METTL15: variants seen among roughly 807,000 people sequenced by gnomAD.
METTL15 encodes methyltransferase 15, mitochondrial 12S rRNA N4-cytidine.
In METTL15, 34 loss-of-function variants were observed where a neutral mutation model predicts 38.3. That is an observed-to-expected ratio of 0.89 (90% CI 0.68 to 1.18). METTL15 has a LOEUF of 1.18. METTL15 is among the 50% of genes most tolerant of loss of function. The pLI, the probability that METTL15 is intolerant of heterozygous loss-of-function variation, is 0.00. For missense variants in METTL15, 438 were observed against 498.4 expected, an observed-to-expected ratio of 0.88 and a Z score of 1.15; for synonymous variants, 162 against 170.9, an observed-to-expected ratio of 0.95 and a Z score of 0.41.
intron 4 of METTL15, among the ~76,000 whole-genome samples, chr11:28,225,697 A>G (rs1853449944): frequency 6.6e-6 from 1 of 151,830 alleles, no homozygotes. Context: ...ACTTTTAGTT[A>G]ATTTTCTGTA....
intron 3 of METTL15, among the ~76,000 whole-genome samples, chr11:28,162,772 A>G (rs1172125786): frequency 1.3e-5 from 2 of 152,152 alleles, no homozygotes; most frequent in Admixed American, 1.3e-4. Context: ...GTAATAATAT[A>G]ATAAGTACTG....
chr11:28,188,803 T>G (rs1269718196), intron 3 of METTL15, among the ~76,000 whole-genome samples: 1 of 151,238 alleles, frequency 6.6e-6, no homozygotes, highest in Non-Finnish European at 1.5e-5. Context: ...TAGGTGCCAG[T>G]TCTTCTGTTC....
At chr11:28,374,067 A>G (rs1327056354) in intron 5 of METTL15, among the ~76,000 whole-genome samples, 7 of 152,150 alleles carry the variant, frequency 4.6e-5, no homozygotes, top group Non-Finnish European at 1.0e-4. Flanking sequence ...TGGTTACTGT[A>G]GCCTTGTAGT....
chr11:28,439,250 G>A (rs1037371910), intron 6 of METTL15, among the ~76,000 whole-genome samples: 7 of 152,164 alleles, frequency 4.6e-5, no homozygotes, highest in East Asian at 1.9e-4. Context: ...ATTTTGTTAC[G>A]GCTACTCCTT....
intron 6 of METTL15, among the ~76,000 whole-genome samples, chr11:28,501,913 C>A (rs1161539797): frequency 5.3e-5 from 8 of 151,980 alleles, no homozygotes; most frequent in Admixed American, 5.2e-4. Flanking sequence ...TCCTGGCTAG[C>A]GTGGTGAAAC....
intron 3 of METTL15, among the ~76,000 whole-genome samples, chr11:28,133,864 A>G (rs1849422913): frequency 6.6e-6 from 1 of 152,166 alleles, no homozygotes; most frequent in Non-Finnish European, 1.5e-5. Context: ...TGAGATAATG[A>G]ATATATATTT....
intron 4 of METTL15, among the ~76,000 whole-genome samples, chr11:28,268,348 A>G (rs1469045965): frequency 1.3e-5 from 2 of 152,056 alleles, no homozygotes; most frequent in African/African-American, 4.8e-5. Flanking sequence ...ATATTAAGTA[A>G]GTATTGATAA....
rs181302460 is a variant in METTL15 at position 28,271,754 on chromosome 11, G to A, written c.408-18452G>A. Among the ~76,000 whole-genome samples the A allele has an allele frequency of 2.0e-3, 308 of 152,002 alleles. 2 individuals are homozygous for A. Among genetic ancestry groups the A allele is most frequent in the Non-Finnish European group, 2.1e-3 (141 of 67,938 alleles). On this transcript the variant is annotated intron_variant, in intron 4 of 6. Coordinates refer to ENST00000407364, the MANE Select transcript of METTL15 (RefSeq NM_001113528.2). ...ATTAAACTAAAGAGCTCTGCACAGC[G>A]AAAGAAACTATCATCAGAGTGAACA...
intron 6 of METTL15, among the ~76,000 whole-genome samples, chr11:28,513,877 C>T (rs1238008792): frequency 6.6e-6 from 1 of 152,210 alleles, no homozygotes; most frequent in Non-Finnish European, 1.5e-5. Context: ...GCCCTCATTC[C>T]GGTAAACCCA....
chr11:28,290,493 C>T, intron 5 of METTL15, 96 bp downstream of exon 5: 1 of 1,086,744 alleles, frequency 9.2e-7, no homozygotes, highest in Non-Finnish European at 1.3e-6. Context: ...ATTTCCATTA[C>T]ATGCCTACAC....
intron 4 of METTL15, among the ~76,000 whole-genome samples, chr11:28,238,053 G>C (rs1304957381): frequency 6.6e-6 from 1 of 152,188 alleles, no homozygotes; most frequent in African/African-American, 2.4e-5. Context: ...GGGGGTCAGG[G>C]GTCAGGGACC....
At chr11:28,462,853 A>T (rs1401307740) in intron 6 of METTL15, among the ~76,000 whole-genome samples, 1 of 152,162 alleles carries the variant, frequency 6.6e-6, no homozygotes, top group East Asian at 1.9e-4. Flanking sequence ...GGAAAATAAC[A>T]AATGTCCATT....
At chr11:28,204,072 T>C (rs985084244) in intron 3 of METTL15, among the ~76,000 whole-genome samples, 14 of 152,042 alleles carry the variant, frequency 9.2e-5, no homozygotes, top group African/African-American at 3.4e-4. Context: ...ACCTTTAACA[T>C]AGTTACCTTG....
Position 28,330,392 on chromosome 11 carries a change from T to G in METTL15, c.779-4T>G. The G allele has an allele frequency of 6.5e-7, 1 of 1,533,456 alleles. No individual in the cohort carries two copies. Among genetic ancestry groups the G allele is most frequent in the Non-Finnish European group, 8.8e-7 (1 of 1,140,664 alleles). 95.0% of individuals were successfully genotyped at this position (1,533,456 alleles called of 1,614,324 possible). ...TTTTCCTATCTTTACAACATTTGTT[T>G]TAGGAGCATTTCCTCCCTCTGCTAT... On this transcript the variant is annotated splice_polypyrimidine_tract_variant and splice_region_variant and intron_variant, in intron 6 of 6. Coordinates refer to ENST00000407364, the MANE Select transcript of METTL15 (RefSeq NM_001113528.2).
downstream of METTL15, among the ~76,000 whole-genome samples, chr11:28,531,974 C>T (rs1213875230): frequency 1.3e-5 from 2 of 151,918 alleles, no homozygotes; most frequent in East Asian, 3.9e-4. Context: ...ATGAAAATAC[C>T]ACATTAGGTA....
intron 6 of METTL15, among the ~76,000 whole-genome samples, chr11:28,525,389 T>G (rs987080084): frequency 6.6e-6 from 1 of 152,090 alleles, no homozygotes; most frequent in Non-Finnish European, 1.5e-5. Context: ...CCCACTAGAT[T>G]AGCTAGATAC....
chr11:28,145,562 A>G (rs959989860), intron 3 of METTL15: 8 of 151,982 alleles, frequency 5.3e-5, no homozygotes, highest in Admixed American at 3.9e-4. Context: ...TGTGCATTCT[A>G]TTTCCTGAAT....
chr11:28,326,907 A>C (rs998656641), intron 6 of METTL15, among the ~76,000 whole-genome samples: 2 of 151,890 alleles, frequency 1.3e-5, no homozygotes, highest in East Asian at 3.9e-4. Flanking sequence ...TTCCCTCCTA[A>C]AGGAATTACA....
chr11:28,456,268 A>G (rs1361465859), intron 6 of METTL15, among the ~76,000 whole-genome samples: 1 of 151,984 alleles, frequency 6.6e-6, no homozygotes, highest in Non-Finnish European at 1.5e-5. Flanking sequence ...TCTCTGCCCC[A>G]AAGGATTGAG....
Sources: allele counts gnomAD v4.1 joint callset (sites outside exome capture counted in the v4.1 genomes callset), GRCh38; gene constraint gnomAD v4.1.1; transcripts MANE v1.5; gene names NCBI Gene and HGNC (gene_info 2026-07-23, HGNC 2026-07-21).